The following SLC12A8 variants were observed in gnomAD, a reference collection of about 807,000 sequenced individuals.
SLC12A8 encodes solute carrier family 12 member 8, also known as cation-chloride cotransporter 9.
Under a neutral mutation model 75.6 loss-of-function variants are expected in SLC12A8, and 69 were observed. That is an observed-to-expected ratio of 0.91 (90% CI 0.75 to 1.11). The LOEUF (loss-of-function observed/expected upper bound fraction) is 1.11. Among genes scored for constraint, SLC12A8 ranks in the 50% most tolerant of loss-of-function variants. SLC12A8 has a pLI of 0.00. For missense variants in SLC12A8, 877 were observed against 896.7 expected (o/e 0.98, Z 0.28); for synonymous variants, 365 against 372.8 (o/e 0.98, Z 0.24).
intron 5 of SLC12A8, among the ~76,000 whole-genome samples, chr3:125,139,666 A>C (rs1267176149): frequency 1.3e-5 from 2 of 152,116 alleles, no homozygotes; most frequent in Non-Finnish European, 2.9e-5. Flanking sequence ...GTGGGTGCCC[A>C]GGGGAGGCAC....
intron 10 of SLC12A8, among the ~76,000 whole-genome samples, chr3:125,104,742 T>C (rs1327692840): frequency 6.6e-6 from 1 of 152,212 alleles, no homozygotes; most frequent in African/African-American, 2.4e-5. Context: ...TTCCAACCAA[T>C]GAAATATGAG....
chr3:125,204,967 G>A (rs1935198500), intron 2 of SLC12A8, among the ~76,000 whole-genome samples: 1 of 152,128 alleles, frequency 6.6e-6, no homozygotes, highest in Non-Finnish European at 1.5e-5. Context: ...CATGAACACA[G>A]CTTTCTTAAG....
chr3:125,187,314 C>A lies in SLC12A8; in HGVS notation c.313G>T (p.Gly105Cys). ...VGERSSIGSGGVYSMISSVLG... is the reference protein window; with the variant it reads ...VGERSSIGSGCVYSMISSVLG... ...ACCGAGGAGATCATGGAGTAGACGC[C>A]ACCGCTGCCGATGCTGCTGCGCTCC... Residue 105 changes from glycine (G) to cysteine (C), a missense_variant, in exon 4 of 14, where the codon GGC becomes TGC. By Grantham distance (159) the Gly-to-Cys change is radical. Coordinates refer to ENST00000469902, the MANE Select transcript of SLC12A8 (RefSeq NM_024628.6). The A allele has an allele frequency of 6.2e-7, 1 of 1,614,198 alleles. No homozygotes were observed. Among genetic ancestry groups the A allele is most frequent in the Non-Finnish European group, 8.5e-7 (1 of 1,180,038 alleles).
At chr3:125,142,260 G>T (rs1933668233) in intron 5 of SLC12A8, among the ~76,000 whole-genome samples, 1 of 152,174 alleles carries the variant, frequency 6.6e-6, no homozygotes, top group Admixed American at 6.5e-5. Context: ...CCCCATCCTC[G>T]CCCGGACACT....
At chr3:125,090,156 G>A (rs1938551071) in intron 12 of SLC12A8, among the ~76,000 whole-genome samples, 1 of 152,052 alleles carries the variant, frequency 6.6e-6, no homozygotes, top group African/African-American at 2.4e-5. Flanking sequence ...CAATTCTCCT[G>A]CCTTAGCCCT....
In SLC12A8 at chr3:125,107,574, G is replaced by C; in HGVS notation, c.1612C>G (p.Gln538Glu). 6.2e-7 allele frequency: 1 copy of C among 1,614,166 alleles called. No homozygotes were observed. Among genetic ancestry groups the C allele is most frequent in the African/African-American group, 1.3e-5 (1 of 75,046 alleles). The change falls in exon 10 of 14, where the codon CAG (glutamine) becomes GAG (glutamate). Residue 538 changes from glutamine to glutamate, a missense_variant. Coordinates refer to ENST00000469902, the MANE Select transcript of SLC12A8 (RefSeq NM_024628.6). ...TGAGTCCCTTCGCTCTTGGAAGTCT[G>C]CTTGTTCCAGCAGGACTCCTGCCCC... is the stretch of plus-strand genomic sequence containing the variant. The part of the protein sequence containing the change: ...WEGQESCWNK[Q>E]TSKSEGTQPE...
chr3:125,139,263 C>T (rs1933568626), intron 5 of SLC12A8, among the ~76,000 whole-genome samples: 1 of 152,038 alleles, frequency 6.6e-6, no homozygotes, highest in African/African-American at 2.4e-5. Context: ...AGGGTGAGAA[C>T]ACCCCCAGTC....
intron 13 of SLC12A8, 116 bp from the exon 14 acceptor site, chr3:125,084,168 T>A: frequency 1.2e-6 from 1 of 805,206 alleles, no homozygotes; most frequent in Non-Finnish European, 2.0e-6. Flanking sequence ...TTTAAATGTT[T>A]AAAACATAAT....
chr3:125,098,712 A>G (rs2107736254), intron 10 of SLC12A8, among the ~76,000 whole-genome samples: 1 of 152,354 alleles, frequency 6.6e-6, no homozygotes, highest in African/African-American at 2.4e-5. Context: ...GCTGAGGGTA[A>G]GAAACATGAA....
At chr3:125,139,618 C>T (rs967880730) in intron 5 of SLC12A8, among the ~76,000 whole-genome samples, 1 of 152,194 alleles carries the variant, frequency 6.6e-6, no homozygotes, top group Non-Finnish European at 1.5e-5. Flanking sequence ...CCCACCCAGA[C>T]CTCAGGCATG....
rs751317962 is a variant in SLC12A8, at chr3:125,135,656, C to A, written c.736+13G>T. ...CCTAATTTGAGAGTAAAAAAGAACC[C>A]AGATTACAATACCTGTAGCCGCTGG... On this transcript the variant is annotated intron_variant, in intron 6 of 13. Coordinates refer to ENST00000469902, the MANE Select transcript of SLC12A8 (RefSeq NM_024628.6). The A allele has an allele frequency of 1.3e-6, 2 of 1,548,682 alleles. No homozygotes were observed.
chr3:125,187,263 T>A lies in SLC12A8; in HGVS notation c.364A>T (p.Ile122Phe). ...TGTCCAAACACATAGAGCAGCCCGATGGTGCCTCCCGTCTGCCCACCCAGG... is the reference window on the plus strand; with the variant it reads ...TGTCCAAACACATAGAGCAGCCCGAAGGTGCCTCCCGTCTGCCCACCCAGG... Reference protein sequence around the residue: ...SVLGGQTGGTIGLLYVFGQCV... With the variant: ...SVLGGQTGGTFGLLYVFGQCV... The change falls in exon 4 of 14, where the codon ATC becomes TTC. Residue 122 changes from isoleucine (I) to phenylalanine (F), a missense_variant. Ile to Phe is a conservative substitution (Grantham distance 21). Coordinates refer to ENST00000469902, the MANE Select transcript of SLC12A8 (RefSeq NM_024628.6). 6.2e-7 allele frequency: 1 copy of A among 1,614,150 alleles called. No individual in the cohort carries two copies. Among genetic ancestry groups the A allele is most frequent in the Middle Eastern group, 1.6e-4 (1 of 6,062 alleles).
At chr3:125,119,365 C>T (rs78680312) in intron 7 of SLC12A8, among the ~76,000 whole-genome samples, 7 of 152,342 alleles carry the variant, frequency 4.6e-5, no homozygotes, top group East Asian at 1.9e-4. Context: ...GATGATCCTT[C>T]GGGCCTCTAA....
chr3:125,198,811 T>C (rs1342522927), intron 2 of SLC12A8, among the ~76,000 whole-genome samples: 1 of 150,350 alleles, frequency 6.7e-6, no homozygotes, highest in East Asian at 2.0e-4. Context: ...GGAGTCTCGC[T>C]CTATCACCCA....
chr3:125,129,249 C>T (rs922462171), intron 6 of SLC12A8, among the ~76,000 whole-genome samples: 6 of 152,212 alleles, frequency 3.9e-5, no homozygotes, highest in Non-Finnish European at 8.8e-5. Context: ...CTCTGTGAAT[C>T]GTGTTCCTGG....
intron 5 of SLC12A8, among the ~76,000 whole-genome samples, chr3:125,158,204 G>A (rs1283998210): frequency 6.6e-6 from 1 of 151,784 alleles, no homozygotes; most frequent in Non-Finnish European, 1.5e-5. Context: ...AAGCCCCAAT[G>A]TCAAATTAGC....
chr3:125,153,894 C>T (rs1257614850), intron 5 of SLC12A8, among the ~76,000 whole-genome samples: 2 of 152,120 alleles, frequency 1.3e-5, no homozygotes, highest in South Asian at 2.1e-4. Flanking sequence ...GTTACAGGCG[C>T]GTGACACCAC....
chr3:125,208,572 C>T (rs150311462), intron 2 of SLC12A8, among the ~76,000 whole-genome samples: 197 of 152,170 alleles, frequency 1.3e-3, no homozygotes, highest in African/African-American at 3.9e-3. Context: ...AATCACTGGG[C>T]AGTCATTTTG....
chr3:125,088,321 G>A lies in SLC12A8; in HGVS notation c.1971C>T (p.Leu657=). The A allele has an allele frequency of 6.2e-7, 1 of 1,614,176 alleles. No homozygotes were observed. The highest frequency in any genetic ancestry group is 8.5e-7 in the Non-Finnish European group (1 of 1,180,026). The part of the protein sequence containing the change: ...SFFRWMRSLL[L]PSCRSLRSPQ... Reference sequence around the variant, plus strand: ...AAATTGGCACAGACCTGCAGGAGGGGAGCAAGAGAGACCTCATCCACCGGA... The same window carrying A: ...AAATTGGCACAGACCTGCAGGAGGGAAGCAAGAGAGACCTCATCCACCGGA... Residue 657 remains leucine, a synonymous_variant, in exon 13 of 14, where the codon CTC becomes CTT. Coordinates refer to ENST00000469902, the MANE Select transcript of SLC12A8 (RefSeq NM_024628.6).
Sources: allele counts gnomAD v4.1 joint callset (sites outside exome capture counted in the v4.1 genomes callset), GRCh38; gene constraint gnomAD v4.1.1; transcripts MANE v1.5; gene names NCBI Gene and HGNC (gene_info 2026-07-23, HGNC 2026-07-21).